The following ITGA3 variants were observed in gnomAD, a reference collection of about 807,000 sequenced individuals.
ITGA3 encodes integrin alpha-3.
A neutral mutation model predicts 131.1 loss-of-function variants in ITGA3; 70 were observed. The ratio of observed to expected loss-of-function variants is 0.53; its 90% confidence interval spans 0.44 to 0.65. The LOEUF is 0.65. Among genes scored for constraint, ITGA3 ranks in the 30% least tolerant of loss-of-function variants. ITGA3 has a pLI of 0.00. For missense variants in ITGA3, 1,098 were observed against 1,388.6 expected (o/e 0.79, Z 3.33); for synonymous variants, 537 against 571.6 (o/e 0.94, Z 0.86).
At position 50,056,890 on chromosome 17, in the gene ITGA3, A is replaced by C. The variant is rs1374462535; in HGVS notation, c.206+245A>C. Among the ~76,000 whole-genome samples, 1 of 152,064 alleles carries C rather than the reference A, an allele frequency of 6.6e-6. No homozygotes were observed. Among genetic ancestry groups the C allele is most frequent in the Non-Finnish European group, 1.5e-5 (1 of 67,994 alleles). On this transcript the variant is annotated intron_variant, in intron 1 of 25. Coordinates refer to ENST00000320031, the MANE Select transcript of ITGA3 (RefSeq NM_002204.4). This position sits in a 1 kb window ranked among gnomAD's most constrained non-coding sequence, Gnocchi z 5.6. ...CACCCCTCCGCCCTTTAGATCTCTC[A>C]TGAGAGCGGAAGTGGGGTCCCGGTG...
Position 50,068,253 on chromosome 17 carries a change from C to T in ITGA3, c.612C>T (p.Gly204=), listed in dbSNP as rs200473394. 10 of 1,613,944 alleles carry T rather than the reference C, an allele frequency of 6.2e-6. No individual in the cohort carries two copies. In the East Asian group the frequency reaches 2.0e-4, roughly 32 times the overall value. Residue 204 remains glycine (G), a synonymous_variant, in exon 4 of 26, where the codon GGC becomes GGT. Coordinates refer to ENST00000320031, the MANE Select transcript of ITGA3 (RefSeq NM_002204.4). Reference sequence around the variant, plus strand: ...TGTGCCAGCTGGGCACCAGCGGTGGCTTCACCCAGAACACTGTGTACTTCG... The same window carrying T: ...TGTGCCAGCTGGGCACCAGCGGTGGTTTCACCCAGAACACTGTGTACTTCG... ...TGMCQLGTSG[G]FTQNTVYFGA...
At chr17:50,071,591 G>A in intron 6 of ITGA3, 73 bp downstream of exon 6, 1 of 1,341,102 alleles carries the variant, frequency 7.5e-7, no homozygotes, top group Non-Finnish European at 1.0e-6. Flanking sequence ...AGCCAGGTGA[G>A]GGGAGTGGAG....
chr17:50,087,536 C>T (rs1909508310), intron 23 of ITGA3: 3 of 524,648 alleles, frequency 5.7e-6, no homozygotes, highest in Non-Finnish European at 1.0e-5. Flanking sequence ...TGAGGCCGCT[C>T]CTCTGGAGTC....
chr17:50,084,230 C>CA (rs61103198), intron 23 of ITGA3, among the ~76,000 whole-genome samples: 3,997 of 26,660 alleles, frequency 0.15, 873 homozygotes, highest in African/African-American at 0.31. Context: ...GACTCTGTCT[C>CA]AAAAAAAAAA....
Position 50,090,376 on chromosome 17 carries a change from C to T in ITGA3, c.*1298C>T, listed in dbSNP as rs1909665415. 2.6e-6 allele frequency: 1 copy of T among 388,614 alleles called. No homozygotes were observed. Among genetic ancestry groups the T allele is most frequent in the African/African-American group, 2.1e-5 (1 of 48,316 alleles). The allele number at this position is 388,614 out of a possible 1,614,324, so 24.1% of individuals were successfully genotyped here. The stretch of plus-strand genomic sequence containing the variant: ...CCTGTTGGCAGGCCCACTCCCCAGC[C>T]CCAGCCCCTTCCATGGTACTGTAGC... On this transcript the variant is annotated 3_prime_UTR_variant, in exon 26 of 26. Coordinates refer to ENST00000320031, the MANE Select transcript of ITGA3 (RefSeq NM_002204.4).
Position 50,064,225 on chromosome 17 carries a change from A to G in ITGA3, c.334+21A>G, listed in dbSNP as rs931342436. On this transcript the variant is annotated intron_variant, in intron 2 of 25. Transcript: ENST00000320031. This position sits in a 1 kb window ranked among gnomAD's most constrained non-coding sequence, Gnocchi z 4.4. ...GAAAAGTGAGGGGAAGGGGCTGGGG[A>G]GGGGTGCTGGGTCAGAGGTCTGGCA... The G allele has an allele frequency of 6.3e-6, 10 of 1,595,896 alleles. No individual in the cohort carries two copies. The highest frequency in any genetic ancestry group is 8.5e-6 in the Non-Finnish European group (10 of 1,172,406).
In ITGA3 at chr17:50,064,382, GAAT is replaced by G; in HGVS notation, c.335-142_335-140del. 8.9e-7 allele frequency: 1 copy of G among 1,118,146 alleles called. No homozygotes were observed. Among genetic ancestry groups the G allele is most frequent in the Non-Finnish European group, 1.3e-6 (1 of 784,690 alleles). 69.3% of individuals were successfully genotyped at this position (1,118,146 alleles called of 1,614,324 possible). On this transcript the variant is annotated intron_variant, in intron 2 of 25. Coordinates refer to ENST00000320031, the MANE Select transcript of ITGA3 (RefSeq NM_002204.4). This position sits in a 1 kb window ranked among gnomAD's most constrained non-coding sequence, Gnocchi z 4.4. ...GGCTGGATGGGATTGGTAGAGCTCA[GAAT>G]AATGACGAGCTGGAGAAGGGGAGTT...
At chr17:50,066,590 C>T (rs939457738) in intron 3 of ITGA3, among the ~76,000 whole-genome samples, 3 of 152,032 alleles carry the variant, frequency 2.0e-5, no homozygotes, top group African/African-American at 7.2e-5. Flanking sequence ...ACCTGGGCAA[C>T]ACGGCAAAAT....
chr17:50,061,411 T>C (rs1359648528), intron 1 of ITGA3, among the ~76,000 whole-genome samples: 1 of 152,076 alleles, frequency 6.6e-6, no homozygotes, highest in Non-Finnish European at 1.5e-5. Context: ...GAGACCCTTT[T>C]GCTCAGCTGC....
intron 23 of ITGA3, among the ~76,000 whole-genome samples, chr17:50,081,837 A>G (rs875511): frequency 0.66 from 100,352 of 151,936 alleles, 35,157 homozygotes; most frequent in Non-Finnish European, 0.8. Context: ...CCATTGTCAC[A>G]TCCACTATGG....
At chr17:50,082,198 A>T (rs867197208) in intron 23 of ITGA3, among the ~76,000 whole-genome samples, 46 of 151,740 alleles carry the variant, frequency 3.0e-4, no homozygotes, top group African/African-American at 9.7e-4. Flanking sequence ...TTATTTATTT[A>T]TTTTTTGAGA....
At position 50,089,188 on chromosome 17, in the gene ITGA3, T is replaced by A; in HGVS notation, c.*110T>A. 1 of 1,612,320 alleles carries A rather than the reference T, an allele frequency of 6.2e-7. No individual in the cohort carries two copies. Among genetic ancestry groups the A allele is most frequent in the Non-Finnish European group, 8.5e-7 (1 of 1,178,602 alleles). ...AGTGCGGATCCGGGAGGAGGAGCGC[T>A]ACCCACCTCCAGGGAGCACCCTGCC... On this transcript the variant is annotated 3_prime_UTR_variant, in exon 26 of 26. Coordinates refer to ENST00000320031, the MANE Select transcript of ITGA3 (RefSeq NM_002204.4).
At position 50,074,011 on chromosome 17, in the gene ITGA3, A is replaced by G; in HGVS notation, c.1245+7A>G. ...CCTTAGACAGCCCCAGCAGGTACAGAGAGACGGGGATGGGTCTGCTGCCCC... is the reference window on the plus strand; with the variant it reads ...CCTTAGACAGCCCCAGCAGGTACAGGGAGACGGGGATGGGTCTGCTGCCCC... On this transcript the variant is annotated splice_region_variant and intron_variant, in intron 8 of 25. Coordinates refer to ENST00000320031, the MANE Select transcript of ITGA3 (RefSeq NM_002204.4). The G allele has an allele frequency of 1.9e-6, 3 of 1,604,816 alleles. No individual in the cohort carries two copies. The highest frequency in any genetic ancestry group is 2.6e-6 in the Non-Finnish European group (3 of 1,171,644).
rs776392266 is a variant in ITGA3, at chr17:50,068,095, T to A, written c.454T>A (p.Ser152Thr). 2.5e-6 allele frequency: 4 copies of A among 1,613,902 alleles called. No individual in the cohort carries two copies. Among genetic ancestry groups the A allele is most frequent in the African/African-American group, 2.7e-5 (2 of 74,894 alleles). ...CTACACCCAGGTGCTGTGGTCAGGG[T>A]CAGAAGACCAGCGGCGCATGGTGGG... Reference protein sequence around the residue: ...HRYTQVLWSGSEDQRRMVGKC... With the variant: ...HRYTQVLWSGTEDQRRMVGKC... The change falls in exon 4 of 26, where the codon TCA becomes ACA. Residue 152 changes from serine to threonine, a missense_variant. By Grantham distance (58) the Ser-to-Thr change is moderately conservative. Around this residue, in one of 3 missense-constraint regions of ITGA3, gnomAD observed 356 missense variants for 529.2 expected, o/e 0.67. Coordinates refer to ENST00000320031, the MANE Select transcript of ITGA3 (RefSeq NM_002204.4).
intron 3 of ITGA3, among the ~76,000 whole-genome samples, chr17:50,066,292 A>G (rs1277213826): frequency 7.0e-6 from 1 of 142,648 alleles, no homozygotes; most frequent in Non-Finnish European, 1.5e-5. Flanking sequence ...GAGCCACCGT[A>G]TGTGGCCCCA....
chr17:50,073,847 G>A, intron 7 of ITGA3, 69 bp from the exon 8 acceptor site: 1 of 1,136,622 alleles, frequency 8.8e-7, no homozygotes, highest in Non-Finnish European at 1.3e-6. Context: ...GTATGGCCTG[G>A]AGCAAAGAGT....
chr17:50,078,991 G>A (rs1909053865), intron 19 of ITGA3, 65 bp downstream of exon 19: 3 of 1,510,440 alleles, frequency 2.0e-6, no homozygotes, highest in Non-Finnish European at 2.8e-6. Context: ...TTTTCTCTGG[G>A]GTCTGAAGGT....
At chr17:50,075,098 A>G (rs1054531570) in intron 10 of ITGA3, among the ~76,000 whole-genome samples, 2 of 152,228 alleles carry the variant, frequency 1.3e-5, no homozygotes, top group Non-Finnish European at 2.9e-5. Context: ...ATCAGAAGAC[A>G]AAGGCAGACA....
At chr17:50,062,374 C>T (rs1908129847) in intron 1 of ITGA3, among the ~76,000 whole-genome samples, 2 of 152,162 alleles carry the variant, frequency 1.3e-5, no homozygotes, top group African/African-American at 4.8e-5. Flanking sequence ...GCTGTGGGTC[C>T]CTTCTCTCAT....
Sources: gnomAD v4.1 joint callset for allele counts (sites outside exome capture counted in the v4.1 genomes callset) on GRCh38, gnomAD v4.1.1 for gene constraint, gnomAD v4.1.1 regional missense constraint, Gnocchi (gnomAD v3.1) non-coding constraint, MANE v1.5 for transcripts, NCBI Gene and HGNC (gene_info 2026-07-23, HGNC 2026-07-21) for gene names.